PCOLCE2: variants seen among roughly 807,000 people sequenced by gnomAD.
PCOLCE2 encodes procollagen C-proteinase enhancer 2.
Under a neutral mutation model 47.0 loss-of-function variants are expected in PCOLCE2, and 42 were observed. The ratio of observed to expected loss-of-function variants is 0.89; its 90% CI spans 0.70 to 1.16. PCOLCE2 has a LOEUF of 1.16. PCOLCE2 is among the 50% of genes most tolerant of loss of function. The pLI, the probability that PCOLCE2 is intolerant of heterozygous loss-of-function variation, is 0.00. For missense variants in PCOLCE2, 500 were observed against 526.1 expected (o/e 0.95, Z 0.49); for synonymous variants, 169 against 191.7 (o/e 0.88, Z 0.98).
intron 3 of PCOLCE2, among the ~76,000 whole-genome samples, chr3:142,843,656 TATC>T (rs2108194926): frequency 6.6e-6 from 1 of 152,150 alleles, no homozygotes; most frequent in African/African-American, 2.4e-5. Context: ...AGGTGACAAA[TATC>T]ATTTCAGGCA....
At chr3:142,829,321 AAC>A (rs1937120047) in intron 6 of PCOLCE2, among the ~76,000 whole-genome samples, 1 of 152,022 alleles carries the variant, frequency 6.6e-6, no homozygotes, top group Admixed American at 6.6e-5. Flanking sequence ...AGAATATGAA[AAC>A]ACAGATAGCA....
Position 142,887,663 on chromosome 3 carries a change from GCTTA to G in PCOLCE2, c.192+2_192+5del, listed in dbSNP as rs773367489. The stretch of plus-strand genomic sequence containing the variant: ...CCAGGAGAATACCTTTTTAAAAAAT[GCTTA>G]CTGTGATTTTCCAAGTACATTTGCT... On this transcript the variant is annotated splice_donor_variant and splice_donor_5th_base_variant and intron_variant, in intron 2 of 8. Transcript: ENST00000295992. LOFTEE classifies it high-confidence loss of function. 1 of 1,427,394 alleles carries G rather than the reference GCTTA, an allele frequency of 7.0e-7. No homozygotes were observed. Among genetic ancestry groups the G allele is most frequent in the Non-Finnish European group, 9.9e-7 (1 of 1,010,366 alleles). 88.4% of individuals were successfully genotyped at this position (1,427,394 alleles called of 1,614,324 possible).
At chr3:142,839,036 G>T in intron 4 of PCOLCE2, 130 bp from the exon 5 acceptor site, 1 of 602,220 alleles carries the variant, frequency 1.7e-6, no homozygotes, top group Non-Finnish European at 2.8e-6. Context: ...TGCATTAAGT[G>T]CTTTTTGTTG....
At chr3:142,862,767 C>T (rs1307508492) in intron 2 of PCOLCE2, among the ~76,000 whole-genome samples, 1 of 152,108 alleles carries the variant, frequency 6.6e-6, no homozygotes, top group Non-Finnish European at 1.5e-5. Flanking sequence ...GACTGAAAGA[C>T]AGCTATACTA....
intron 2 of PCOLCE2, among the ~76,000 whole-genome samples, chr3:142,883,621 G>A (rs781118570): frequency 1.1e-4 from 16 of 150,808 alleles, no homozygotes; most frequent in Admixed American, 4.0e-4. Context: ...GTTTCACCAC[G>A]TTGGCCAGGC....
chr3:142,845,112 T>C (rs1180507180), intron 3 of PCOLCE2, among the ~76,000 whole-genome samples: 1 of 152,220 alleles, frequency 6.6e-6, no homozygotes, highest in Non-Finnish European at 1.5e-5. Context: ...ACCTTTCTTT[T>C]ATTCCATCTG....
chr3:142,852,148 G>C (rs1932954993), intron 2 of PCOLCE2, among the ~76,000 whole-genome samples: 1 of 152,190 alleles, frequency 6.6e-6, no homozygotes, highest in African/African-American at 2.4e-5. Flanking sequence ...ATGTCATCTT[G>C]CACTGAAGGC....
intron 2 of PCOLCE2, among the ~76,000 whole-genome samples, chr3:142,849,980 G>A (rs73864474): frequency 5.9e-5 from 9 of 152,226 alleles, no homozygotes; most frequent in East Asian, 1.9e-4. Flanking sequence ...TTATAATGGC[G>A]TAGTTCCCAA....
At chr3:142,834,860 T>C (rs1937185486) in intron 5 of PCOLCE2, among the ~76,000 whole-genome samples, 1 of 152,218 alleles carries the variant, frequency 6.6e-6, no homozygotes, top group Admixed American at 6.5e-5. Context: ...GAACAATCCC[T>C]ATTTTTCTCT....
chr3:142,870,835 T>C (rs1446026485), intron 2 of PCOLCE2, among the ~76,000 whole-genome samples: 1 of 152,054 alleles, frequency 6.6e-6, no homozygotes, highest in African/African-American at 2.4e-5. Context: ...TTGAACTGCA[T>C]GCTTTAAAGA....
At chr3:142,843,757 C>T (rs1937294415) in intron 3 of PCOLCE2, among the ~76,000 whole-genome samples, 1 of 151,918 alleles carries the variant, frequency 6.6e-6, no homozygotes, top group South Asian at 2.1e-4. Context: ...TTTAATTTTA[C>T]TTGAATGTAA....
intron 2 of PCOLCE2, among the ~76,000 whole-genome samples, chr3:142,873,417 A>AT (rs1560140823): frequency 6.6e-6 from 1 of 151,740 alleles, no homozygotes; most frequent in Admixed American, 6.6e-5. Context: ...AAAGAAAAAA[A>AT]TTTTTTAAAG....
At chr3:142,855,358 C>T (rs1485848189) in intron 2 of PCOLCE2, among the ~76,000 whole-genome samples, 2 of 152,046 alleles carry the variant, frequency 1.3e-5, no homozygotes, top group South Asian at 2.1e-4. Context: ...TAGTGCAGGC[C>T]ATGACTCCTA....
intron 2 of PCOLCE2, among the ~76,000 whole-genome samples, chr3:142,871,211 G>A (rs1195382071): frequency 3.3e-5 from 5 of 151,958 alleles, no homozygotes; most frequent in Non-Finnish European, 5.9e-5. Context: ...TCCAGAAAAC[G>A]GCCCATTCCC....
At chr3:142,844,265 C>T (rs138877334) in intron 3 of PCOLCE2, among the ~76,000 whole-genome samples, 21 of 152,268 alleles carry the variant, frequency 1.4e-4, no homozygotes, top group African/African-American at 4.8e-4. Context: ...AAAAACTTCC[C>T]ATTAGATGAG....
chr3:142,885,002 GCTGT>G (rs968090289), intron 2 of PCOLCE2, among the ~76,000 whole-genome samples: 3 of 149,074 alleles, frequency 2.0e-5, no homozygotes, highest in Non-Finnish European at 3.0e-5. Flanking sequence ...GAACAATGCA[GCTGT>G]CTAAGAAATT....
At chr3:142,824,383 G>A (rs1356431957) in intron 6 of PCOLCE2, among the ~76,000 whole-genome samples, 1 of 152,160 alleles carries the variant, frequency 6.6e-6, no homozygotes, top group Non-Finnish European at 1.5e-5. Flanking sequence ...CCGCAACACA[G>A]AAGGATCTGG....
intron 2 of PCOLCE2, among the ~76,000 whole-genome samples, chr3:142,878,553 G>T (rs1223223924): frequency 6.6e-6 from 1 of 152,106 alleles, no homozygotes; most frequent in Non-Finnish European, 1.5e-5. Context: ...ATGGGAAAGC[G>T]ACAGCACACA....
intron 3 of PCOLCE2, among the ~76,000 whole-genome samples, chr3:142,843,722 A>C (rs1006684198): frequency 6.6e-6 from 1 of 152,048 alleles, no homozygotes; most frequent in African/African-American, 2.4e-5. Flanking sequence ...ATAATGTAAG[A>C]ATTATTTTAA....
Sources: allele counts gnomAD v4.1 joint callset (sites outside exome capture counted in the v4.1 genomes callset), GRCh38; gene constraint gnomAD v4.1.1; transcripts MANE v1.5; gene names NCBI Gene and HGNC (gene_info 2026-07-23, HGNC 2026-07-21).